PTPRD: variants seen among roughly 807,000 people sequenced by gnomAD.
PTPRD encodes the protein protein tyrosine phosphatase receptor type D.
A neutral mutation model predicts 214.5 loss-of-function variants in PTPRD; 34 were observed. That is an observed-to-expected ratio of 0.16 (90% confidence interval 0.12 to 0.21). PTPRD has a LOEUF of 0.21. Among genes scored for constraint, PTPRD ranks in the 10% least tolerant of loss-of-function variants. The pLI, the probability that PTPRD is intolerant of heterozygous loss-of-function variation, is 1.00. For missense variants in PTPRD, 2,545 were observed against 2,398.7 expected (o/e 1.06, Z -1.27); for synonymous variants, 1,128 against 845.7 (o/e 1.33, Z -5.79).
chr9:9,515,754 A>C (rs1165297767), intron 8 of PTPRD, among the ~76,000 whole-genome samples: 1 of 152,016 alleles, frequency 6.6e-6, no homozygotes, highest in African/African-American at 2.4e-5. Context: ...GAAAACATGA[A>C]AAAAAGTTTG....
chr9:8,594,520 C>T (rs916318015), intron 14 of PTPRD, among the ~76,000 whole-genome samples: 4 of 152,092 alleles, frequency 2.6e-5, no homozygotes, highest in African/African-American at 9.7e-5. Flanking sequence ...CCATCCAAAT[C>T]TCATCTTGAA....
At chr9:8,570,880 G>C (rs1679381417) in intron 14 of PTPRD, among the ~76,000 whole-genome samples, 1 of 151,844 alleles carries the variant, frequency 6.6e-6, no homozygotes, top group African/African-American at 2.4e-5. Context: ...TAAAGAGCTA[G>C]ATAAAATGGA....
intron 9 of PTPRD, among the ~76,000 whole-genome samples, chr9:9,355,352 T>A (rs2053351763): frequency 6.7e-6 from 1 of 148,562 alleles, no homozygotes; most frequent in African/African-American, 2.5e-5. Context: ...AGGCTACAGA[T>A]GACTATGGTT....
chr9:8,420,020 G>C (rs2094243364), intron 35 of PTPRD, among the ~76,000 whole-genome samples: 1 of 152,034 alleles, frequency 6.6e-6, no homozygotes, highest in Admixed American at 6.6e-5. Flanking sequence ...GTCAGAAAAA[G>C]AAGAAATCCC....
intron 5 of PTPRD, among the ~76,000 whole-genome samples, chr9:9,838,806 A>T (rs1456795171): frequency 3.9e-5 from 6 of 152,020 alleles, no homozygotes; most frequent in Non-Finnish European, 5.9e-5. Flanking sequence ...TTTTGTTGCC[A>T]TTGCTTTTGG....
At chr9:9,436,356 G>A (rs2085251491) in intron 8 of PTPRD, among the ~76,000 whole-genome samples, 1 of 151,934 alleles carries the variant, frequency 6.6e-6, no homozygotes, top group South Asian at 2.1e-4. Flanking sequence ...CTGCACATAA[G>A]GCCCTTCTTA....
At chr9:8,934,419 G>GTATA (rs1271340382) in intron 11 of PTPRD, among the ~76,000 whole-genome samples, 1,224 of 31,264 alleles carry the variant, frequency 0.039, 127 homozygotes, top group Non-Finnish European at 0.049. Flanking sequence ...GTGTGTGTGT[G>GTATA]TGTATATATA....
rs190735178 is a variant in PTPRD at position 9,537,067 on chromosome 9, T to A, written c.-237+37665A>T. Among the ~76,000 whole-genome samples the A allele has an allele frequency of 4.3e-4, 65 of 151,948 alleles. No homozygotes were observed. The East Asian group carries it at 0.012, about 27-fold the overall frequency. On this transcript the variant is annotated intron_variant, in intron 8 of 45. Transcript: ENST00000381196. ...TCCTTCCTCTCAATACCACTGCTTT[T>A]CCAGGAATGCTACTCACACACAGCA...
intron 11 of PTPRD, among the ~76,000 whole-genome samples, chr9:8,976,946 C>G (rs2099271223): frequency 6.6e-6 from 1 of 152,058 alleles, no homozygotes; most frequent in Non-Finnish European, 1.5e-5. Flanking sequence ...TTCTACTTCT[C>G]CATTTGTCTG....
chr9:10,541,445 G>A (rs1160247499), intron 2 of PTPRD, among the ~76,000 whole-genome samples: 1 of 151,736 alleles, frequency 6.6e-6, no homozygotes, highest in Non-Finnish European at 1.5e-5. Context: ...AATTCTTAAG[G>A]CAAATGCATT....
chr9:10,483,396 C>G (rs2132285326), intron 2 of PTPRD, among the ~76,000 whole-genome samples: 1 of 151,734 alleles, frequency 6.6e-6, no homozygotes, highest in South Asian at 2.1e-4. Flanking sequence ...ATGAAGACCC[C>G]AAAAGCAAAT....
chr9:9,487,933 T>A (rs919324305), intron 8 of PTPRD, among the ~76,000 whole-genome samples: 1 of 152,160 alleles, frequency 6.6e-6, no homozygotes, highest in Non-Finnish European at 1.5e-5. Context: ...AGATAATGAG[T>A]TCTTGTCAAA....
chr9:8,362,245 G>A (rs1344886941), intron 39 of PTPRD, among the ~76,000 whole-genome samples: 1 of 152,210 alleles, frequency 6.6e-6, no homozygotes, highest in Non-Finnish European at 1.5e-5. Flanking sequence ...CATTCACAGA[G>A]CTCCTTACTA....
intron 2 of PTPRD, among the ~76,000 whole-genome samples, chr9:10,438,101 C>T (rs1459095493): frequency 6.7e-6 from 1 of 149,118 alleles, no homozygotes; most frequent in African/African-American, 2.5e-5. Flanking sequence ...CTCAAAATAA[C>T]ATATTTACTA....
At chr9:8,588,745 C>G (rs1303682218) in intron 14 of PTPRD, among the ~76,000 whole-genome samples, 1 of 151,950 alleles carries the variant, frequency 6.6e-6, no homozygotes, top group East Asian at 1.9e-4. Flanking sequence ...ACTACTTGAC[C>G]TGCAATCTTA....
intron 3 of PTPRD, among the ~76,000 whole-genome samples, chr9:10,193,253 G>T (rs1427157282): frequency 6.6e-6 from 1 of 151,698 alleles, no homozygotes; most frequent in African/African-American, 2.4e-5. Flanking sequence ...TACATTTCCA[G>T]GTTCTTTTCC....
At chr9:10,278,325 C>T (rs551009450) in intron 3 of PTPRD, among the ~76,000 whole-genome samples, 1 of 152,240 alleles carries the variant, frequency 6.6e-6, no homozygotes, top group South Asian at 2.1e-4. Flanking sequence ...CTATGCCTGT[C>T]CTTAATAAGA....
chr9:9,886,456 A>AGTCCTGAAG (rs1160677919), intron 5 of PTPRD, among the ~76,000 whole-genome samples: 4 of 152,122 alleles, frequency 2.6e-5, no homozygotes, highest in African/African-American at 9.7e-5. Context: ...TTAAAAGGAG[A>AGTCCTGAAG]GTCCTGAAGA....
rs79549720 is a variant in PTPRD at position 9,696,900 on chromosome 9, A to G, written c.-287+37633T>C. ...CTCTCACTTTCTTCCTTTGTGGTTA[A>G]GTGATTTTCTCTGATTGTATATTTT... On this transcript the variant is annotated intron_variant, in intron 7 of 45. Coordinates refer to ENST00000381196, the MANE Select transcript of PTPRD (RefSeq NM_002839.4). Among the ~76,000 whole-genome samples the G allele has an allele frequency of 6.1e-4, 93 of 152,160 alleles. 3 individuals are homozygous for G. In the East Asian group the frequency reaches 0.014, roughly 24 times the overall value.
Sources: gnomAD v4.1 joint callset for allele counts (sites outside exome capture counted in the v4.1 genomes callset) on GRCh38, gnomAD v4.1.1 for gene constraint, MANE v1.5 for transcripts, NCBI Gene and HGNC (gene_info 2026-07-23, HGNC 2026-07-21) for gene names.